TSPAN33: variants seen among roughly 807,000 people sequenced by gnomAD.
TSPAN33 encodes tetraspanin 33, also known as tetraspanin-33.
Under a neutral mutation model 34.8 loss-of-function variants are expected in TSPAN33, and 27 were observed. That is an observed-to-expected ratio of 0.78 (90% confidence interval 0.57 to 1.07). TSPAN33 has a LOEUF of 1.07. TSPAN33 is among the 50% of genes least tolerant of loss of function. The pLI, the probability that TSPAN33 is intolerant of heterozygous loss-of-function variation, is 0.00. For synonymous variants in TSPAN33, 119 were observed against 124.2 expected, an observed-to-expected ratio of 0.96 and a Z score of 0.28; for missense variants, 272 against 324.9, an observed-to-expected ratio of 0.84 and a Z score of 1.25.
intron 1 of TSPAN33, among the ~76,000 whole-genome samples, chr7:129,151,038 C>T (rs1230934399): frequency 6.6e-6 from 1 of 152,202 alleles, no homozygotes; most frequent in Non-Finnish European, 1.5e-5. Flanking sequence ...CAGAGCTCCA[C>T]TGTTGTCTCC....
intron 2 of TSPAN33, among the ~76,000 whole-genome samples, chr7:129,161,997 AG>A (rs1793062191): frequency 6.6e-6 from 1 of 152,220 alleles, no homozygotes; most frequent in Admixed American, 6.5e-5. Context: ...CCCTGGGAGC[AG>A]AGAGTCATCA....
chr7:129,147,614 T>G (rs1810538164), intron 1 of TSPAN33, among the ~76,000 whole-genome samples: 1 of 152,212 alleles, frequency 6.6e-6, no homozygotes, highest in South Asian at 2.1e-4. Context: ...CAAATTCTGC[T>G]CTTCTGCCCA....
At chr7:129,155,044 T>C (rs1341514326) in intron 1 of TSPAN33, among the ~76,000 whole-genome samples, 3 of 152,172 alleles carry the variant, frequency 2.0e-5, no homozygotes, top group Admixed American at 6.5e-5. Context: ...ACAGAAAATA[T>C]GGTTCATATA....
chr7:129,162,534 G>C lies in TSPAN33; in HGVS notation c.288+13G>C. 2 of 1,610,964 alleles carry C rather than the reference G, an allele frequency of 1.2e-6. No individual in the cohort carries two copies. Among genetic ancestry groups the C allele is most frequent in the East Asian group, 4.5e-5 (2 of 44,876 alleles). ...CCTCCTGCAGACGGTGAGTGGTCAA[G>C]GCCCCACTGGAAAGACCCTGGCCCT... On this transcript the variant is annotated intron_variant, in intron 3 of 7. Coordinates refer to ENST00000486685, the MANE Select transcript of TSPAN33 (RefSeq NM_178562.5).
intron 4 of TSPAN33, 131 bp from the exon 5 acceptor site, chr7:129,164,343 A>G (rs1236660413): frequency 1.3e-5 from 10 of 792,690 alleles, no homozygotes; most frequent in African/African-American, 1.7e-5. Flanking sequence ...ATCTTCCACC[A>G]TTAGGACTCG....
chr7:129,145,298 TGGGTATTCTCG>T (rs1038451483), intron 1 of TSPAN33, among the ~76,000 whole-genome samples: 12 of 151,510 alleles, frequency 7.9e-5, no homozygotes, highest in African/African-American at 2.7e-4. Flanking sequence ...TAAAGACTGA[TGGGTATTCTCG>T]GGGCGTCGGA....
intron 1 of TSPAN33, among the ~76,000 whole-genome samples, chr7:129,151,826 G>A (rs1260835162): frequency 6.6e-6 from 1 of 152,104 alleles, no homozygotes; most frequent in Non-Finnish European, 1.5e-5. Flanking sequence ...TGCCTGCGTT[G>A]TTTTATGAAA....
chr7:129,169,529 CG>C lies in TSPAN33; in HGVS notation c.*1659del, dbSNP rs917511905. 1.3e-5 allele frequency: 2 copies of C among 152,218 alleles called. No individual in the cohort carries two copies. Among genetic ancestry groups the C allele is most frequent in the African/African-American group, 4.8e-5 (2 of 41,446 alleles). 9.4% of individuals were successfully genotyped at this position (152,218 alleles called of 1,614,324 possible). On this transcript the variant is annotated 3_prime_UTR_variant, in exon 8 of 8. Transcript: ENST00000486685. ...GGAAATAGCCTCGACCGAACTGCTG[CG>C]GGGACAAAGAGCCGCGAGTTCGCTC...
chr7:129,153,560 C>CA (rs964479497), intron 1 of TSPAN33, among the ~76,000 whole-genome samples: 84 of 151,024 alleles, frequency 5.6e-4, no homozygotes, highest in Admixed American at 1.5e-3. Flanking sequence ...GGATAAGAAA[C>CA]AAAAAAAAGG....
chr7:129,152,010 A>T (rs1326768753), intron 1 of TSPAN33, among the ~76,000 whole-genome samples: 1 of 152,202 alleles, frequency 6.6e-6, no homozygotes, highest in South Asian at 2.1e-4. Context: ...CAAACAAATA[A>T]ATCCAAATCG....
chr7:129,165,865 AT>A lies in TSPAN33; in HGVS notation c.460-912del, dbSNP rs1293182700. ...TTGGAGGTTGCAGTGAGCCAAGATC[AT>A]GCCATTGCACTCCAGCCTGGGTGAC... On this transcript the variant is annotated intron_variant, in intron 5 of 7. Transcript: ENST00000486685. This position sits in a 1 kb window ranked among gnomAD's most constrained non-coding sequence, Gnocchi z 4.5. Among the ~76,000 whole-genome samples, 1 of 152,166 alleles carries A rather than the reference AT, an allele frequency of 6.6e-6. No individual in the cohort carries two copies. Among genetic ancestry groups the A allele is most frequent in the Non-Finnish European group, 1.5e-5 (1 of 68,018 alleles).
intron 1 of TSPAN33, among the ~76,000 whole-genome samples, chr7:129,146,347 C>T (rs1411842490): frequency 6.6e-6 from 1 of 152,160 alleles, no homozygotes; most frequent in Non-Finnish European, 1.5e-5. Context: ...GAAAATGAAA[C>T]TTGTGCTCCT....
Position 129,148,808 on chromosome 7 carries a change from C to T in TSPAN33, c.102+3726C>T, listed in dbSNP as rs1214791019. ...AGGCTGAGCCAAGCCACCAGTGGGG[C>T]ATCTTCTTCAAGAAATCCACTCTCC... On this transcript the variant is annotated intron_variant, in intron 1 of 7. Transcript: ENST00000486685. This position sits in a 1 kb window ranked among gnomAD's most constrained non-coding sequence, Gnocchi z 4.2. Among the ~76,000 whole-genome samples the T allele has an allele frequency of 6.6e-6, 1 of 152,202 alleles. No individual in the cohort carries two copies. The highest frequency in any genetic ancestry group is 1.5e-5 in the Non-Finnish European group (1 of 68,044).
intron 2 of TSPAN33, 82 bp downstream of exon 2, chr7:129,161,818 A>G (rs1793059007): frequency 6.4e-7 from 1 of 1,568,374 alleles, no homozygotes; most frequent in Admixed American, 1.7e-5. Flanking sequence ...GCCCTCACAC[A>G]TAAGCTATGG....
chr7:129,150,373 C>T (rs1035508116), intron 1 of TSPAN33, among the ~76,000 whole-genome samples: 3 of 152,186 alleles, frequency 2.0e-5, no homozygotes, highest in African/African-American at 7.2e-5. Context: ...CTTCCTTCCC[C>T]TGCCTGAAAA....
At chr7:129,162,018 G>A (rs1793062325) in intron 2 of TSPAN33, among the ~76,000 whole-genome samples, 1 of 152,198 alleles carries the variant, frequency 6.6e-6, no homozygotes, top group South Asian at 2.1e-4. Flanking sequence ...AAGGGCTTTA[G>A]CCCCTCCCTA....
intron 2 of TSPAN33, 145 bp from the exon 3 acceptor site, chr7:129,162,249 G>A: frequency 8.2e-7 from 1 of 1,226,546 alleles, no homozygotes; most frequent in Non-Finnish European, 1.1e-6. Flanking sequence ...ATGGGACAGG[G>A]GTACTGCCTC....
At chr7:129,166,164 T>C (rs1201376542) in intron 5 of TSPAN33, among the ~76,000 whole-genome samples, 1 of 152,066 alleles carries the variant, frequency 6.6e-6, no homozygotes, top group Non-Finnish European at 1.5e-5. Context: ...GGTCTTGAAC[T>C]CCTGACCTCA....
At chr7:129,149,415 AG>A (rs1053062070) in intron 1 of TSPAN33, among the ~76,000 whole-genome samples, 18 of 152,256 alleles carry the variant, frequency 1.2e-4, no homozygotes, top group African/African-American at 4.3e-4. Flanking sequence ...AAAATTAGCC[AG>A]GTGTGGTGGT....
Sources: gnomAD v4.1 joint callset for allele counts (sites outside exome capture counted in the v4.1 genomes callset) on GRCh38, gnomAD v4.1.1 for gene constraint, Gnocchi (gnomAD v3.1) non-coding constraint, MANE v1.5 for transcripts, NCBI Gene and HGNC (gene_info 2026-07-23, HGNC 2026-07-21) for gene names.